CNOT2: variants seen among roughly 807,000 people sequenced by gnomAD.
CNOT2 encodes CCR4-NOT transcription complex subunit 2, also known as CC chemokine receptor 4-negative regulator of transcription 2.
A neutral mutation model predicts 72.1 loss-of-function variants in CNOT2; 7 were observed. That is an observed-to-expected ratio of 0.10 (90% CI 0.06 to 0.18). The LOEUF (loss-of-function observed/expected upper bound fraction) is 0.18, where lower values mean the gene tolerates loss of function less well. CNOT2 is among the 10% of genes least tolerant of loss of function. CNOT2 has a pLI of 1.00. For missense variants in CNOT2, 345 were observed against 660.3 expected, an observed-to-expected ratio of 0.52 and a Z score of 5.23; for synonymous variants, 196 against 225.6, an observed-to-expected ratio of 0.87 and a Z score of 1.17.
At chr12:70,343,332 C>T (rs939030826) in intron 13 of CNOT2, among the ~76,000 whole-genome samples, 8 of 151,968 alleles carry the variant, frequency 5.3e-5, no homozygotes, top group South Asian at 2.1e-4. Context: ...GATCAAATAA[C>T]GAGATAAAAA....
At chr12:70,268,652 G>A (rs1234067310) in intron 1 of CNOT2, among the ~76,000 whole-genome samples, 1 of 151,740 alleles carries the variant, frequency 6.6e-6, no homozygotes, top group African/African-American at 2.4e-5. Flanking sequence ...GTAGTGATGG[G>A]GTCTCACTAT....
chr12:70,273,992 T>C (rs903690410), intron 1 of CNOT2, among the ~76,000 whole-genome samples: 9 of 152,124 alleles, frequency 5.9e-5, no homozygotes, highest in Non-Finnish European at 8.8e-5. Flanking sequence ...TTTGTAGATA[T>C]AGGCAACTTT....
Position 70,263,703 on chromosome 12 carries a change from G to A in CNOT2, c.-95-14429G>A, listed in dbSNP as rs751849517. Reference sequence around the variant, plus strand: ...CTTGGCTCTTAAACAGGCAGTTTTCGTTGACTGCTTTTTCACCCTGTGTAT... The same window carrying A: ...CTTGGCTCTTAAACAGGCAGTTTTCATTGACTGCTTTTTCACCCTGTGTAT... On this transcript the variant is annotated intron_variant, in intron 1 of 15. Coordinates refer to ENST00000229195, the MANE Select transcript of CNOT2 (RefSeq NM_014515.7). Among the ~76,000 whole-genome samples, 12 of 152,022 alleles carry A rather than the reference G, an allele frequency of 7.9e-5. No homozygotes were observed. In the South Asian group the frequency reaches 1.0e-3, roughly 13 times the overall value.
chr12:70,268,273 T>C (rs1959144853), intron 1 of CNOT2, among the ~76,000 whole-genome samples: 1 of 152,156 alleles, frequency 6.6e-6, no homozygotes, highest in Non-Finnish European at 1.5e-5. Flanking sequence ...AGCAATTAGC[T>C]AGAGTAGAGT....
rs34311334 is a variant in CNOT2, at chr12:70,254,980, CAAA to C, written c.-96+11516_-96+11518del. Among the ~76,000 whole-genome samples the C allele has an allele frequency of 8.1e-5, 9 of 110,816 alleles. No individual in the cohort carries two copies. The South Asian group carries it at 2.0e-3, about 25-fold the overall frequency. The allele number at this position is 110,816 out of a possible 152,430, so 72.7% of individuals were successfully genotyped here. A position where few individuals can be genotyped will look rare whatever the true frequency, so the allele number is the denominator to read the frequency against. ...TGGGTGACAGAGCAAGACTGCATCT[CAAA>C]AAAAAAAAAAAAAAAGAAGAAGAAG... On this transcript the variant is annotated intron_variant, in intron 1 of 15. Coordinates refer to ENST00000229195, the MANE Select transcript of CNOT2 (RefSeq NM_014515.7).
intron 2 of CNOT2, among the ~76,000 whole-genome samples, chr12:70,279,802 T>G (rs2135810806): frequency 6.6e-6 from 1 of 152,334 alleles, no homozygotes; most frequent in Non-Finnish European, 1.5e-5. Context: ...AATTTATACT[T>G]AAGAAAGAAA....
At chr12:70,353,712 G>T (rs1310770297) in intron 15 of CNOT2, 117 bp from the exon 16 acceptor site, 2 of 1,466,198 alleles carry the variant, frequency 1.4e-6, no homozygotes, top group African/African-American at 2.9e-5. Context: ...TGGTATATCT[G>T]TGTTGATGTT....
chr12:70,332,116 A>G (rs1041776258), intron 6 of CNOT2, among the ~76,000 whole-genome samples: 2 of 151,806 alleles, frequency 1.3e-5, no homozygotes, highest in African/African-American at 2.4e-5. Flanking sequence ...AAGGTAAACT[A>G]TATTTAGATA....
intron 2 of CNOT2, among the ~76,000 whole-genome samples, chr12:70,292,486 A>G (rs1190363514): frequency 1.3e-5 from 2 of 152,238 alleles, no homozygotes; most frequent in African/African-American, 4.8e-5. Context: ...GTAGGAAGCC[A>G]TCTGGATGTC....
intron 7 of CNOT2, among the ~76,000 whole-genome samples, chr12:70,334,268 TATTC>T (rs1482102547): frequency 1.3e-5 from 2 of 152,038 alleles, no homozygotes; most frequent in Admixed American, 6.6e-5. Context: ...TCTACTGTCT[TATTC>T]AGTGGTAATT....
chr12:70,336,684 T>G (rs1463531126), intron 8 of CNOT2: 2 of 152,080 alleles, frequency 1.3e-5, no homozygotes, highest in African/African-American at 4.8e-5. Context: ...ACCTAGCTAC[T>G]TGATTCTCAG....
chr12:70,266,655 T>C (rs1480326502), intron 1 of CNOT2, among the ~76,000 whole-genome samples: 1 of 152,218 alleles, frequency 6.6e-6, no homozygotes, highest in Admixed American at 6.5e-5. Context: ...GGATATTATG[T>C]CTTCCTGGTA....
chr12:70,257,969 G>T (rs1375368221), intron 1 of CNOT2, among the ~76,000 whole-genome samples: 1 of 152,138 alleles, frequency 6.6e-6, no homozygotes, highest in African/African-American at 2.4e-5. Flanking sequence ...TACTGTCACT[G>T]ATACTGAGTA....
chr12:70,339,024 G>A (rs1169568932), intron 11 of CNOT2, among the ~76,000 whole-genome samples: 2 of 144,204 alleles, frequency 1.4e-5, no homozygotes, highest in Non-Finnish European at 3.0e-5. Context: ...ATGTGTGTGT[G>A]TGTGTGTGTG....
chr12:70,247,356 A>G (rs919049550), intron 1 of CNOT2, among the ~76,000 whole-genome samples: 37 of 152,026 alleles, frequency 2.4e-4, no homozygotes, highest in African/African-American at 8.9e-4. Context: ...GGGTTTCACC[A>G]TGTTGGTCAG....
intron 2 of CNOT2, among the ~76,000 whole-genome samples, chr12:70,281,170 C>T (rs1055765008): frequency 2.0e-5 from 3 of 151,512 alleles, no homozygotes; most frequent in Non-Finnish European, 2.9e-5. Context: ...CTGCAACCTC[C>T]GCCTCCTGGG....
chr12:70,337,630 T>A, intron 9 of CNOT2, 117 bp downstream of exon 9: 2 of 1,010,332 alleles, frequency 2.0e-6, no homozygotes, highest in Non-Finnish European at 1.5e-6. Context: ...ATATCTGTAA[T>A]AACCTAACTT....
chr12:70,273,670 T>G (rs892278322), intron 1 of CNOT2, among the ~76,000 whole-genome samples: 2 of 152,174 alleles, frequency 1.3e-5, no homozygotes, highest in Non-Finnish European at 2.9e-5. Flanking sequence ...TGAACTTTTG[T>G]CGTTTAAGAT....
chr12:70,327,943 A>G (rs958324840), intron 4 of CNOT2, among the ~76,000 whole-genome samples: 5 of 151,872 alleles, frequency 3.3e-5, no homozygotes, highest in Non-Finnish European at 7.4e-5. Flanking sequence ...TTTAATCCTT[A>G]TTCTTCCTTA....
Sources: allele counts gnomAD v4.1 joint callset (sites outside exome capture counted in the v4.1 genomes callset), GRCh38; gene constraint gnomAD v4.1.1; transcripts MANE v1.5; gene names NCBI Gene and HGNC (gene_info 2026-07-23, HGNC 2026-07-21).